Variants in ABCG2 observed in about 807,000 individuals in gnomAD.
ABCG2 encodes the protein broad substrate specificity ATP-binding cassette transporter ABCG2.
A neutral mutation model predicts 73.5 loss-of-function variants in ABCG2; 80 were observed. That is an observed-to-expected ratio of 1.09 (90% CI 0.91 to 1.31). ABCG2 has a LOEUF of 1.31. ABCG2 is among the 50% of genes most tolerant of loss of function. ABCG2 has a pLI of 0.00. For synonymous variants in ABCG2, 269 were observed against 282.4 expected, an observed-to-expected ratio of 0.95 and a Z score of 0.48; for missense variants, 796 against 786.2, an observed-to-expected ratio of 1.01 and a Z score of -0.15.
At chr4:88,224,020 T>C (rs1235165229) in intron 1 of ABCG2, among the ~76,000 whole-genome samples, 4 of 152,344 alleles carry the variant, frequency 2.6e-5, no homozygotes, top group Middle Eastern at 6.8e-3. Flanking sequence ...TGAAGAAATG[T>C]CTATTCAAAT....
chr4:88,121,585 A>G, intron 6 of ABCG2, 50 bp downstream of exon 6: 3 of 1,546,014 alleles, frequency 1.9e-6, no homozygotes, highest in Non-Finnish European at 2.7e-6. Context: ...TATCTGGGAC[A>G]TAGTAGTGAT....
chr4:88,230,320 GCC>G, intron 1 of ABCG2, among the ~76,000 whole-genome samples: 1 of 18,326 alleles, frequency 5.5e-5, no homozygotes, highest in South Asian at 4.5e-3. Flanking sequence ...TTTTTTTTTG[GCC>G]ACATATATAT....
chr4:88,191,123 T>TGG (rs1728671805), intron 1 of ABCG2, among the ~76,000 whole-genome samples: 1 of 150,472 alleles, frequency 6.6e-6, no homozygotes, highest in African/African-American at 2.4e-5. Flanking sequence ...AGGGTGCCTG[T>TGG]AGTCCCAGCT....
intron 1 of ABCG2, among the ~76,000 whole-genome samples, chr4:88,168,394 G>T (rs376696179): frequency 2.0e-5 from 3 of 152,136 alleles, no homozygotes; most frequent in African/African-American, 7.2e-5. Flanking sequence ...GGCTGAGGCA[G>T]GAGAATCGCT....
chr4:88,180,719 C>A (rs911087001), intron 1 of ABCG2, among the ~76,000 whole-genome samples: 2 of 151,838 alleles, frequency 1.3e-5, no homozygotes, highest in Non-Finnish European at 2.9e-5. Context: ...TGCCACTGCA[C>A]CCTAACCTAG....
At chr4:88,229,074 T>C (rs111955262) in intron 1 of ABCG2, among the ~76,000 whole-genome samples, 7,938 of 152,296 alleles carry the variant, frequency 0.052, 472 homozygotes, top group East Asian at 0.34. Flanking sequence ...CCTTCCACAC[T>C]GTGAAAGCTT....
At chr4:88,139,734 C>T in intron 2 of ABCG2, 59 bp downstream of exon 2, 4 of 1,487,756 alleles carry the variant, frequency 2.7e-6, no homozygotes, top group Non-Finnish European at 3.7e-6. Context: ...TAGCCAAAAC[C>T]TGTGAGGTTC....
At chr4:88,101,174 T>C (rs1470142018) in intron 11 of ABCG2, 56 bp downstream of exon 11, 2 of 1,509,394 alleles carry the variant, frequency 1.3e-6, no homozygotes, top group African/African-American at 2.7e-5. Flanking sequence ...GTAATCAGTC[T>C]AACCAATAGC....
In ABCG2 at chr4:88,101,226, T is replaced by C; in HGVS notation, c.1367+4A>G. 2 of 1,613,704 alleles carry C rather than the reference T, an allele frequency of 1.2e-6. No individual in the cohort carries two copies. Among genetic ancestry groups the C allele is most frequent in the Non-Finnish European group, 1.7e-6 (2 of 1,179,776 alleles). ...CCCCGTTCCCAGAACAAAGACCTACTCACATGAAGAGCTTCTTCTCTACCA... is the reference window on the plus strand; with the variant it reads ...CCCCGTTCCCAGAACAAAGACCTACCCACATGAAGAGCTTCTTCTCTACCA... On this transcript the variant is annotated splice_donor_region_variant and intron_variant, in intron 11 of 15. Transcript: ENST00000237612.
intron 1 of ABCG2, among the ~76,000 whole-genome samples, chr4:88,226,486 C>A (rs1386730718): frequency 6.6e-6 from 1 of 152,138 alleles, no homozygotes; most frequent in Non-Finnish European, 1.5e-5. Context: ...AATTATTGAG[C>A]AAGACTTAGT....
intron 1 of ABCG2, among the ~76,000 whole-genome samples, chr4:88,184,207 T>C (rs527960678): frequency 6.6e-6 from 1 of 152,248 alleles, no homozygotes; most frequent in South Asian, 2.1e-4. Flanking sequence ...AAGTCCTATT[T>C]AGAGCAATCA....
intron 9 of ABCG2, among the ~76,000 whole-genome samples, chr4:88,113,072 C>T (rs1486522328): frequency 6.6e-6 from 1 of 152,058 alleles, no homozygotes; most frequent in East Asian, 1.9e-4. Flanking sequence ...GTTCATGCCA[C>T]CACACTCCAG....
intron 1 of ABCG2, among the ~76,000 whole-genome samples, chr4:88,151,923 CTCT>C (rs1229911244): frequency 6.6e-6 from 1 of 152,140 alleles, no homozygotes; most frequent in African/African-American, 2.4e-5. Flanking sequence ...AAGGGATCCT[CTCT>C]CTAATCCACG....
intron 1 of ABCG2, among the ~76,000 whole-genome samples, chr4:88,153,655 C>T (rs902976104): frequency 6.6e-6 from 1 of 151,932 alleles, no homozygotes; most frequent in Non-Finnish European, 1.5e-5. Flanking sequence ...AAGGCCAAAC[C>T]AAGGAATTAT....
At chr4:88,212,646 C>T (rs920014604) in intron 1 of ABCG2, among the ~76,000 whole-genome samples, 1 of 152,076 alleles carries the variant, frequency 6.6e-6, no homozygotes, top group African/African-American at 2.4e-5. Flanking sequence ...CCATTAATTA[C>T]ACCAGTATTT....
At chr4:88,122,589 A>G (rs2110024023) in intron 5 of ABCG2, among the ~76,000 whole-genome samples, 1 of 152,290 alleles carries the variant, frequency 6.6e-6, no homozygotes, top group Non-Finnish European at 1.5e-5. Context: ...TGGCAAAGCC[A>G]CTGTAGCCAG....
intron 1 of ABCG2, among the ~76,000 whole-genome samples, chr4:88,144,752 C>A (rs796769065): frequency 5.3e-5 from 8 of 152,170 alleles, no homozygotes; most frequent in African/African-American, 1.9e-4. Flanking sequence ...CCACTGCGCC[C>A]AGCACATTTT....
At chr4:88,212,006 C>T (rs937834469) in intron 1 of ABCG2, among the ~76,000 whole-genome samples, 8 of 152,184 alleles carry the variant, frequency 5.3e-5, no homozygotes, top group African/African-American at 1.9e-4. Flanking sequence ...CCCATGCTTA[C>T]ATAGTGTAGG....
chr4:88,151,010 T>C (rs1401731378), intron 1 of ABCG2, among the ~76,000 whole-genome samples: 1 of 152,170 alleles, frequency 6.6e-6, no homozygotes, highest in African/African-American at 2.4e-5. Context: ...CAAAAATAAA[T>C]GACAGTGGTT....
Sources: gnomAD v4.1 joint callset for allele counts (sites outside exome capture counted in the v4.1 genomes callset) on GRCh38, gnomAD v4.1.1 for gene constraint, MANE v1.5 for transcripts, NCBI Gene and HGNC (gene_info 2026-07-23, HGNC 2026-07-21) for gene names.